The following SLC2A9 variants were observed in gnomAD, a reference collection of about 807,000 sequenced individuals.
The protein encoded by SLC2A9 is solute carrier family 2, facilitated glucose transporter member 9.
Under a neutral mutation model 50.6 loss-of-function variants are expected in SLC2A9, and 39 were observed. The observed-to-expected ratio is 0.77, with a 90% CI of 0.60 to 1.01. The LOEUF is 1.01. Among genes scored for constraint, SLC2A9 ranks in the 50% least tolerant of loss-of-function variants. The pLI is 0.00. For missense variants in SLC2A9, 686 were observed against 677.6 expected (o/e 1.01, Z -0.14); for synonymous variants, 324 against 276.9 (o/e 1.17, Z -1.69).
chr4:9,788,255 AT>A (rs1268767153), intron 3 of SLC2A9, among the ~76,000 whole-genome samples: 1 of 152,094 alleles, frequency 6.6e-6, no homozygotes, highest in Admixed American at 6.5e-5. Flanking sequence ...CAGTGGCATG[AT>A]CACAGATCAT....
chr4:9,966,158 G>T (rs1753016978), intron 5 of SLC2A9, among the ~76,000 whole-genome samples: 1 of 152,128 alleles, frequency 6.6e-6, no homozygotes, highest in African/African-American at 2.4e-5. Context: ...ATGCCCTTGT[G>T]CCCTGCCAGC....
chr4:9,978,219 T>A (rs1755128759), intron 5 of SLC2A9, among the ~76,000 whole-genome samples: 1 of 152,192 alleles, frequency 6.6e-6, no homozygotes, highest in Admixed American at 6.5e-5. Flanking sequence ...GCAGTCTGAG[T>A]AAGAAAGACG....
intron 10 of SLC2A9, among the ~76,000 whole-genome samples, chr4:9,846,288 T>G (rs902603506): frequency 6.6e-6 from 1 of 152,196 alleles, no homozygotes; most frequent in East Asian, 1.9e-4. Context: ...ACTCATGCCC[T>G]GCAGCATGTT....
chr4:9,973,873 A>G (rs1466320205), intron 5 of SLC2A9, among the ~76,000 whole-genome samples: 2 of 150,004 alleles, frequency 1.3e-5, no homozygotes, highest in African/African-American at 4.9e-5. Flanking sequence ...AAAAAAAAAA[A>G]CAGAAAACTA....
chr4:9,956,435 G>A (rs1165130233), intron 5 of SLC2A9, among the ~76,000 whole-genome samples: 4 of 151,968 alleles, frequency 2.6e-5, no homozygotes, highest in South Asian at 2.1e-4. Flanking sequence ...AGCCAAGATC[G>A]TGCCACTACA....
intron 11 of SLC2A9, among the ~76,000 whole-genome samples, chr4:9,829,715 T>C (rs535945389): frequency 6.6e-6 from 1 of 152,108 alleles, no homozygotes; most frequent in African/African-American, 2.4e-5. Flanking sequence ...CACACACAGA[T>C]GCTTCTCAAA....
chr4:9,822,419 A>T (rs1724529005), downstream of SLC2A9, among the ~76,000 whole-genome samples: 1 of 152,108 alleles, frequency 6.6e-6, no homozygotes, highest in South Asian at 2.1e-4. Flanking sequence ...AGCTCAATTG[A>T]CCCATTTATA....
chr4:9,796,029 G>A (rs541408567), downstream of SLC2A9, among the ~76,000 whole-genome samples: 16 of 152,134 alleles, frequency 1.1e-4, no homozygotes, highest in Non-Finnish European at 1.8e-4. Flanking sequence ...AGAGAGGTCC[G>A]GTGATTTGCT....
At chr4:9,969,889 T>C (rs1753617983) in intron 5 of SLC2A9, among the ~76,000 whole-genome samples, 1 of 152,250 alleles carries the variant, frequency 6.6e-6, no homozygotes, top group Admixed American at 6.5e-5. Flanking sequence ...AGATGAGATC[T>C]GGGTGGAGAT....
intron 10 of SLC2A9, among the ~76,000 whole-genome samples, chr4:9,886,973 G>A (rs1264707364): frequency 6.6e-6 from 1 of 152,194 alleles, no homozygotes; most frequent in East Asian, 1.9e-4. Flanking sequence ...TGAGTCCCAG[G>A]TAAACTGAGG....
chr4:9,933,636 C>T (rs1222096736), intron 6 of SLC2A9, among the ~76,000 whole-genome samples: 2 of 152,158 alleles, frequency 1.3e-5, no homozygotes, highest in Admixed American at 1.3e-4. Context: ...GTAATGGTTG[C>T]CATGTACCTA....
chr4:9,776,891 C>A (rs556701675), downstream of SLC2A9, among the ~76,000 whole-genome samples: 1 of 152,084 alleles, frequency 6.6e-6, no homozygotes, highest in East Asian at 1.9e-4. Context: ...CTGTCTCATA[C>A]CTCTCCCTCC....
chr4:9,955,208 G>A (rs191853659), intron 5 of SLC2A9, among the ~76,000 whole-genome samples: 2,621 of 111,426 alleles, frequency 0.024, 838 homozygotes, highest in African/African-American at 0.11. Context: ...AAAACTCCAA[G>A]TCGGCCGGGC....
chr4:9,808,354 AAC>A (rs1288578693), intron 3 of SLC2A9, among the ~76,000 whole-genome samples: 1 of 152,140 alleles, frequency 6.6e-6, no homozygotes, highest in Non-Finnish European at 1.5e-5. Context: ...ATCTCACTGG[AAC>A]TTGAAAGTGC....
intron 1 of SLC2A9, among the ~76,000 whole-genome samples, chr4:9,772,514 G>A (rs62293224): frequency 0.12 from 17,938 of 152,154 alleles, 1,104 homozygotes; most frequent in East Asian, 0.15. Context: ...TTGGGTGGCC[G>A]CATTGACCCC....
chr4:9,970,804 G>A (rs189907880), intron 5 of SLC2A9, among the ~76,000 whole-genome samples: 89 of 152,266 alleles, frequency 5.8e-4, no homozygotes, highest in African/African-American at 1.9e-3. Context: ...AGCGCCAGGC[G>A]CCAGACCCAA....
At chr4:9,796,064 C>T (rs981306452), downstream of SLC2A9, among the ~76,000 whole-genome samples, 10 of 152,188 alleles carry the variant, frequency 6.6e-5, no homozygotes, top group Admixed American at 3.9e-4. Flanking sequence ...ACATGTGGCA[C>T]GGCTGAGATT....
chr4:9,840,161 C>T (rs1378171921), intron 10 of SLC2A9, among the ~76,000 whole-genome samples: 1 of 152,146 alleles, frequency 6.6e-6, no homozygotes, highest in Admixed American at 6.5e-5. Flanking sequence ...AACTCCACAG[C>T]ATGAGTTTTA....
chr4:9,867,684 C>T (rs1034464467), intron 10 of SLC2A9, among the ~76,000 whole-genome samples: 4 of 152,224 alleles, frequency 2.6e-5, no homozygotes, highest in African/African-American at 4.8e-5. Context: ...GGAAGAGGGA[C>T]TCACACTACC....
Sources: gnomAD v4.1 joint callset for allele counts (sites outside exome capture counted in the v4.1 genomes callset) on GRCh38, gnomAD v4.1.1 for gene constraint, MANE v1.5 for transcripts, NCBI Gene and HGNC (gene_info 2026-07-23, HGNC 2026-07-21) for gene names.